Variants in INIP observed in about 807,000 individuals in gnomAD.
INIP encodes SOSS complex subunit C.
A neutral mutation model predicts 14.0 loss-of-function variants in INIP; 9 were observed. The ratio of observed to expected loss-of-function variants is 0.64; its 90% confidence interval spans 0.39 to 1.12. INIP has a LOEUF of 1.12. Among genes scored for constraint, INIP ranks in the 50% most tolerant of loss-of-function variants. The pLI, the probability that INIP is intolerant of heterozygous loss-of-function variation, is 0.01. For synonymous variants in INIP, 37 were observed against 41.5 expected (o/e 0.89, Z 0.41); for missense variants, 78 against 122.7 (o/e 0.64, Z 1.72).
intron 2 of INIP, among the ~76,000 whole-genome samples, chr9:112,702,934 C>G (rs1212526775): frequency 6.6e-6 from 1 of 151,876 alleles, no homozygotes; most frequent in Non-Finnish European, 1.5e-5. Flanking sequence ...TAACACCAAG[C>G]TGACAGGATA....
At chr9:112,697,411 C>A (rs1291310577) in intron 2 of INIP, among the ~76,000 whole-genome samples, 1 of 152,168 alleles carries the variant, frequency 6.6e-6, no homozygotes, top group Non-Finnish European at 1.5e-5. Flanking sequence ...TTATTCAAGA[C>A]CTTATGTCTA....
Position 112,703,257 on chromosome 9 carries a change from G to A in INIP, c.26-9024C>T, listed in dbSNP as rs1045827988. On this transcript the variant is annotated intron_variant, in intron 2 of 4. Coordinates refer to ENST00000374242, the MANE Select transcript of INIP (RefSeq NM_021218.3). The stretch of plus-strand genomic sequence containing the variant: ...ACCTTATAATAAAGAAAAATGGTGA[G>A]ATAGAAAAAGATTTAGTAATGTTAA... Among the ~76,000 whole-genome samples, 7 of 152,244 alleles carry A rather than the reference G, an allele frequency of 4.6e-5. No individual in the cohort carries two copies. In the South Asian group the frequency reaches 1.5e-3, roughly 32 times the overall value.
chr9:112,713,145 A>C (rs1168247448), intron 2 of INIP, among the ~76,000 whole-genome samples: 1 of 152,270 alleles, frequency 6.6e-6, no homozygotes, highest in African/African-American at 2.4e-5. Flanking sequence ...AAAATGAGTA[A>C]AAGATTTGAA....
chr9:112,691,591 C>T (rs370920476), intron 3 of INIP, among the ~76,000 whole-genome samples: 2 of 152,212 alleles, frequency 1.3e-5, no homozygotes, highest in Admixed American at 6.5e-5. Flanking sequence ...TGGTCTAGAA[C>T]AGAATTCGAA....
rs764439079 is a variant in INIP, at chr9:112,687,474, A to G, written c.*64T>C. 4.0e-6 allele frequency: 4 copies of G among 988,562 alleles called. No individual in the cohort carries two copies. In the South Asian group the frequency reaches 5.3e-5, roughly 13 times the overall value. 61.2% of individuals were successfully genotyped at this position (988,562 alleles called of 1,614,324 possible). On this transcript the variant is annotated 3_prime_UTR_variant, in exon 5 of 5. Transcript: ENST00000374242. ...TTCTTAAAGTCACAGTTCATGTAGC[A>G]CTGAATGATAGTAGCTTTGGCATTT...
intron 3 of INIP, among the ~76,000 whole-genome samples, chr9:112,690,061 T>C (rs959681859): frequency 6.6e-6 from 1 of 150,380 alleles, no homozygotes; most frequent in Admixed American, 6.6e-5. Flanking sequence ...TCTTCATGAA[T>C]TTATATAAGA....
intron 2 of INIP, among the ~76,000 whole-genome samples, chr9:112,704,415 T>C (rs748110005): frequency 1.3e-5 from 2 of 152,130 alleles, no homozygotes; most frequent in Non-Finnish European, 2.9e-5. Flanking sequence ...AACAGAGCAC[T>C]GAGCTATGAA....
chr9:112,686,411 T>C lies in INIP; in HGVS notation c.*1127A>G, dbSNP rs755528352. The C allele has an allele frequency of 1.3e-5, 2 of 152,182 alleles. No individual in the cohort carries two copies. The highest frequency in any genetic ancestry group is 2.9e-5 in the Non-Finnish European group (2 of 68,036). 9.4% of individuals were successfully genotyped at this position (152,182 alleles called of 1,614,324 possible). ...TGCATACTTAAATAAGCACCCCAGA[T>C]ACTGCTAAAGATGGGTCATGTTGAG... On this transcript the variant is annotated 3_prime_UTR_variant, in exon 5 of 5. Transcript: ENST00000374242.
intron 2 of INIP, among the ~76,000 whole-genome samples, chr9:112,707,823 A>G (rs1838528256): frequency 6.6e-6 from 1 of 152,226 alleles, no homozygotes; most frequent in African/African-American, 2.4e-5. Context: ...ACATTAAAGT[A>G]CCATAGTTGA....
At chr9:112,700,309 G>A (rs919262136) in intron 2 of INIP, among the ~76,000 whole-genome samples, 1 of 151,992 alleles carries the variant, frequency 6.6e-6, no homozygotes, top group Non-Finnish European at 1.5e-5. Context: ...TTCATGTGGT[G>A]TCCAACTAGT....
intron 2 of INIP, 59 bp downstream of exon 2, chr9:112,716,402 C>A: frequency 1.3e-6 from 2 of 1,496,228 alleles, no homozygotes; most frequent in South Asian, 2.3e-5. Context: ...TTCTCTTATT[C>A]AAATACATTT....
chr9:112,690,572 C>G (rs902508815), intron 3 of INIP, among the ~76,000 whole-genome samples: 2 of 152,232 alleles, frequency 1.3e-5, no homozygotes, highest in South Asian at 2.1e-4. Context: ...GTCTCCTTTC[C>G]TCCTTGCTGA....
In INIP at chr9:112,687,589, A is replaced by C; in HGVS notation, c.264T>G (p.Ser88=). Residue 88 remains serine (S), a synonymous_variant, in exon 5 of 5, where the codon TCT becomes TCG. Coordinates refer to ENST00000374242, the MANE Select transcript of INIP (RefSeq NM_021218.3). ...CAGGAAGAATAAGGTTCCCAAATGCAGAGTCTTGAGTGATGAAGTATCCAG... is the reference window on the plus strand; with the variant it reads ...CAGGAAGAATAAGGTTCCCAAATGCCGAGTCTTGAGTGATGAAGTATCCAG... ...HSSGYFITQD[S]AFGNLILPVL... 2.5e-6 allele frequency: 4 copies of C among 1,610,944 alleles called. No individual in the cohort carries two copies. The highest frequency in any genetic ancestry group is 3.4e-6 in the Non-Finnish European group (4 of 1,177,444).
chr9:112,703,722 G>A (rs932899466), intron 2 of INIP, among the ~76,000 whole-genome samples: 8 of 152,240 alleles, frequency 5.3e-5, no homozygotes, highest in East Asian at 1.9e-4. Context: ...GATTACAGGC[G>A]TGAGCCACTG....
Position 112,685,259 on chromosome 9 carries a change from TTTTAA to T in INIP, c.*2274_*2278del, listed in dbSNP as rs1438220059. 6.6e-6 allele frequency: 1 copy of T among 151,912 alleles called. No individual in the cohort carries two copies. The highest frequency in any genetic ancestry group is 1.5e-5 in the Non-Finnish European group (1 of 68,012). The allele number at this position is 151,912 out of a possible 1,614,324, so 9.4% of individuals were successfully genotyped here. On this transcript the variant is annotated 3_prime_UTR_variant, in exon 5 of 5. Coordinates refer to ENST00000374242, the MANE Select transcript of INIP (RefSeq NM_021218.3). ...CACCTAGCCAATCTTTTTTTTTTTT[TTTTAA>T]TTTTTTAGTAGAGACAGGGGTCTCA...
intron 2 of INIP, among the ~76,000 whole-genome samples, chr9:112,696,050 A>AGT (rs1838080973): frequency 6.6e-6 from 1 of 151,024 alleles, no homozygotes; most frequent in Admixed American, 6.6e-5. Flanking sequence ...AGCATGCCCT[A>AGT]CTAATTTTTG....
chr9:112,714,079 C>A (rs1838731614), intron 2 of INIP, among the ~76,000 whole-genome samples: 1 of 151,536 alleles, frequency 6.6e-6, no homozygotes, highest in Non-Finnish European at 1.5e-5. Flanking sequence ...CCAAAGTTTA[C>A]AAACAGAAGA....
intron 3 of INIP, among the ~76,000 whole-genome samples, chr9:112,691,457 G>A (rs1302719262): frequency 6.6e-6 from 1 of 152,192 alleles, no homozygotes; most frequent in South Asian, 2.1e-4. Flanking sequence ...ACATCCAGGA[G>A]GCAGAGGTGG....
intron 1 of INIP, 103 bp downstream of exon 1, chr9:112,717,884 T>C (rs1175212375): frequency 6.6e-6 from 1 of 152,320 alleles, no homozygotes; most frequent in African/African-American, 2.4e-5. Flanking sequence ...GGTGGCAAGG[T>C]CGGAAGGGAG....
Sources: gnomAD v4.1 joint callset for allele counts (sites outside exome capture counted in the v4.1 genomes callset) on GRCh38, gnomAD v4.1.1 for gene constraint, MANE v1.5 for transcripts, NCBI Gene and HGNC (gene_info 2026-07-23, HGNC 2026-07-21) for gene names.